TDRD9: variants seen among roughly 807,000 people sequenced by gnomAD.
The protein encoded by TDRD9 is ATP-dependent RNA helicase TDRD9.
In TDRD9, 124 loss-of-function variants were observed where a neutral mutation model predicts 172.6. The observed-to-expected ratio is 0.72, with a 90% CI of 0.62 to 0.83. TDRD9 has a LOEUF of 0.83. Ranked by LOEUF, TDRD9 falls within the 40% of genes least tolerant of loss-of-function variation. TDRD9 has a pLI of 0.00. For missense variants in TDRD9, 1,479 were observed against 1,714.1 expected (o/e 0.86, Z 2.42); for synonymous variants, 619 against 617.1 (o/e 1.00, Z -0.05).
In TDRD9 at chr14:103,965,494, C is replaced by T. The variant is rs1294683598; in HGVS notation, c.582C>T (p.Ser194=). ...VTQPRKIGAS[S]IARWISKERA... ...AGCCCCGGAAGATAGGGGCAAGCAG[C>T]ATCGCCAGGTGGATCAGTAAAGAGC... The change falls in exon 4 of 36, where the codon AGC becomes AGT. Residue 194 remains serine (S), a synonymous_variant. Coordinates refer to ENST00000409874, the MANE Select transcript of TDRD9 (RefSeq NM_153046.3). The T allele has an allele frequency of 1.9e-6, 3 of 1,548,220 alleles. No homozygotes were observed. Among genetic ancestry groups the T allele is most frequent in the Non-Finnish European group, 8.7e-7 (1 of 1,145,154 alleles).
At chr14:104,042,767 A>G (rs915783079) in intron 34 of TDRD9, among the ~76,000 whole-genome samples, 6 of 152,172 alleles carry the variant, frequency 3.9e-5, no homozygotes, top group Admixed American at 1.3e-4. Flanking sequence ...CTCCTGCCCC[A>G]GAGCCAGTCT....
At chr14:104,013,205 A>G (rs1337055812) in intron 20 of TDRD9, among the ~76,000 whole-genome samples, 1 of 152,062 alleles carries the variant, frequency 6.6e-6, no homozygotes, top group Non-Finnish European at 1.5e-5. Flanking sequence ...TGTAATTGAG[A>G]TACTTTTGTG....
intron 24 of TDRD9, among the ~76,000 whole-genome samples, chr14:104,023,178 C>G (rs1037389080): frequency 5.6e-5 from 6 of 106,822 alleles, no homozygotes; most frequent in Admixed American, 2.3e-4. Context: ...GAGCGAGACT[C>G]CGTCTCAAAA....
intron 33 of TDRD9, among the ~76,000 whole-genome samples, chr14:104,040,703 A>T (rs1013636844): frequency 6.6e-6 from 1 of 152,170 alleles, no homozygotes; most frequent in Non-Finnish European, 1.5e-5. Context: ...AAAGGAGGAC[A>T]CAAGGTCCTG....
intron 32 of TDRD9, 65 bp downstream of exon 32, chr14:104,035,121 C>A: frequency 7.8e-7 from 1 of 1,277,160 alleles, no homozygotes; most frequent in Non-Finnish European, 1.1e-6. Context: ...AAAACGGGTG[C>A]CTCTCCTTGC....
At chr14:104,035,189 G>T (rs1161706975) in intron 32 of TDRD9, 133 bp downstream of exon 32, 2 of 649,994 alleles carry the variant, frequency 3.1e-6, no homozygotes, top group East Asian at 5.6e-5. Flanking sequence ...GCTGCTTGGG[G>T]TGAAGCCTGT....
chr14:103,972,520 C>T (rs927675734), intron 6 of TDRD9, among the ~76,000 whole-genome samples: 9 of 152,074 alleles, frequency 5.9e-5, no homozygotes, highest in East Asian at 1.9e-4. Context: ...GCCAAAATGG[C>T]GAAGGGTTTA....
intron 2 of TDRD9, among the ~76,000 whole-genome samples, chr14:103,956,151 A>ATATATATATATATATATAT (rs2032230616): frequency 1.2e-5 from 1 of 81,124 alleles, no homozygotes; most frequent in African/African-American, 5.1e-5. Context: ...TATATATATA[A>ATATATATATATATATATAT]TTATTAGGCC....
intron 34 of TDRD9, among the ~76,000 whole-genome samples, chr14:104,045,415 G>A (rs2035742550): frequency 8.5e-6 from 1 of 118,086 alleles, no homozygotes; most frequent in African/African-American, 3.1e-5. Context: ...TTGGTGAAAT[G>A]TCTGTTCAGA....
chr14:103,956,102 AAAAAAAAAAATATATATATATATATATAT>A (rs1566738117), intron 2 of TDRD9, among the ~76,000 whole-genome samples: 1 of 57,272 alleles, frequency 1.7e-5, no homozygotes, highest in African/African-American at 7.3e-5. Flanking sequence ...AAAAAAAAAA[AAAAAAAAAAATATATATATATATATATAT>A]ATATATATAT....
At chr14:103,946,419 A>G (rs1479101035) in intron 1 of TDRD9, among the ~76,000 whole-genome samples, 1 of 152,252 alleles carries the variant, frequency 6.6e-6, no homozygotes, top group East Asian at 1.9e-4. Flanking sequence ...AATAAAAGCC[A>G]TATGTGAAAA....
intron 1 of TDRD9, among the ~76,000 whole-genome samples, chr14:103,943,318 T>G (rs1192652686): frequency 6.6e-6 from 1 of 151,664 alleles, no homozygotes; most frequent in Non-Finnish European, 1.5e-5. Flanking sequence ...CTGGCTAGTT[T>G]AAAAAAATAT....
intron 32 of TDRD9, 37 bp from the exon 33 acceptor site, chr14:104,040,159 C>T (rs2152263485): frequency 7.3e-7 from 1 of 1,377,924 alleles, no homozygotes; most frequent in East Asian, 2.8e-5. Context: ...TTTAACAATT[C>T]TGAAATAATG....
intron 1 of TDRD9, among the ~76,000 whole-genome samples, chr14:103,938,199 G>A (rs529820146): frequency 4.5e-4 from 69 of 151,974 alleles, no homozygotes; most frequent in African/African-American, 1.6e-3. Flanking sequence ...GGATTGGGCT[G>A]GCTAGTAATG....
intron 1 of TDRD9, 149 bp downstream of exon 1, chr14:103,928,873 A>G (rs1385630043): frequency 3.9e-6 from 1 of 256,224 alleles, no homozygotes; most frequent in Non-Finnish European, 7.4e-6. Flanking sequence ...TGGTCACTAC[A>G]CAACCCGACG....
chr14:104,037,920 T>C (rs2152260790), intron 32 of TDRD9, among the ~76,000 whole-genome samples: 1 of 152,336 alleles, frequency 6.6e-6, no homozygotes, highest in East Asian at 1.9e-4. Context: ...CTGGATTCAG[T>C]GGCATCATCA....
chr14:103,972,927 T>C (rs1012340642), intron 6 of TDRD9, among the ~76,000 whole-genome samples: 1 of 152,232 alleles, frequency 6.6e-6, no homozygotes, highest in Non-Finnish European at 1.5e-5. Context: ...AAGCTGCCAT[T>C]GAAGATTATT....
At chr14:104,015,460 G>A (rs2034760901) in intron 21 of TDRD9, among the ~76,000 whole-genome samples, 1 of 152,190 alleles carries the variant, frequency 6.6e-6, no homozygotes, top group South Asian at 2.1e-4. Context: ...GGCTGGGGGA[G>A]TCTTTGGTGG....
At chr14:104,041,598 T>A (rs534876933) in intron 33 of TDRD9, among the ~76,000 whole-genome samples, 3 of 152,354 alleles carry the variant, frequency 2.0e-5, no homozygotes, top group African/African-American at 4.8e-5. Context: ...CAGCATCATA[T>A]GTCATTAGGA....
Sources: allele counts gnomAD v4.1 joint callset (sites outside exome capture counted in the v4.1 genomes callset), GRCh38; gene constraint gnomAD v4.1.1; transcripts MANE v1.5; gene names NCBI Gene and HGNC (gene_info 2026-07-23, HGNC 2026-07-21).